Variants in CNOT2 observed in about 807,000 individuals in gnomAD.
The protein encoded by CNOT2 is CCR4-NOT transcription complex subunit 2.
A neutral mutation model predicts 72.1 loss-of-function variants in CNOT2; 7 were observed. That is an observed-to-expected ratio of 0.10 (90% CI 0.06 to 0.18). CNOT2 has a LOEUF of 0.18. Ranked by LOEUF, CNOT2 falls within the 10% of genes least tolerant of loss-of-function variation. The pLI, the probability that CNOT2 is intolerant of heterozygous loss-of-function variation, is 1.00. For synonymous variants in CNOT2, 196 were observed against 225.6 expected (o/e 0.87, Z 1.17); for missense variants, 345 against 660.3 (o/e 0.52, Z 5.23).
At chr12:70,273,742 A>C (rs1488967307) in intron 1 of CNOT2, among the ~76,000 whole-genome samples, 1 of 152,094 alleles carries the variant, frequency 6.6e-6, no homozygotes, top group Non-Finnish European at 1.5e-5. Flanking sequence ...AGTAGAAGAA[A>C]ATTTCTGTCT....
intron 3 of CNOT2, chr12:70,319,045 C>G (rs1042945144): frequency 1.4e-5 from 4 of 293,622 alleles, no homozygotes; most frequent in Admixed American, 9.3e-5. Flanking sequence ...GCTGCTGTAA[C>G]TCAAGTTAGT....
chr12:70,337,501 T>C lies in CNOT2; in HGVS notation c.888T>C (p.Asp296=), dbSNP rs1400357261. 1.2e-6 allele frequency: 2 copies of C among 1,611,578 alleles called. No homozygotes were observed. The highest frequency in any genetic ancestry group is 3.3e-5 in the Admixed American group (2 of 59,874). Residue 296 remains aspartate, a synonymous_variant, in exon 9 of 16, where the codon GAT becomes GAC. Coordinates refer to ENST00000229195, the MANE Select transcript of CNOT2 (RefSeq NM_014515.7). The part of the protein sequence containing the change: ...SSYKDPTSSN[D]DSKSNLNTSG... ...ATAAAGATCCAACATCAAGTAATGATGACAGTAAATCTGTAAGTAACTGAG... is the reference window on the plus strand; with the variant it reads ...ATAAAGATCCAACATCAAGTAATGACGACAGTAAATCTGTAAGTAACTGAG...
At position 70,349,930 on chromosome 12, in the gene CNOT2, C is replaced by A. The variant is rs147716758; in HGVS notation, c.1536+3606C>A. ...GGCTGAGGTAGGAGGATTGCTTGAG[C>A]CCAGGAGTTCAAGGTTGCAGTGAGC... On this transcript the variant is annotated intron_variant, in intron 15 of 15. Coordinates refer to ENST00000229195, the MANE Select transcript of CNOT2 (RefSeq NM_014515.7). Among the ~76,000 whole-genome samples, 3 of 152,100 alleles carry A rather than the reference C, an allele frequency of 2.0e-5. No individual in the cohort carries two copies. In the East Asian group the frequency reaches 5.8e-4, roughly 29 times the overall value.
chr12:70,243,936 C>G (rs1029492648), intron 1 of CNOT2: 2 of 152,276 alleles, frequency 1.3e-5, no homozygotes, highest in African/African-American at 4.8e-5. Context: ...CCGACGAGCT[C>G]GAGCCCGCTT....
intron 13 of CNOT2, 81 bp downstream of exon 13, chr12:70,342,388 T>A: frequency 6.7e-7 from 1 of 1,490,378 alleles, no homozygotes; most frequent in African/African-American, 1.4e-5. Context: ...CAGCATACTA[T>A]TTTTGAAATA....
intron 14 of CNOT2, chr12:70,345,574 T>G (rs1010527470): frequency 3.2e-4 from 48 of 152,220 alleles, no homozygotes; most frequent in African/African-American, 7.5e-4. Context: ...TTCCTCAGTT[T>G]ACAAGTAGTG....
At chr12:70,346,465 C>T in intron 15 of CNOT2, 141 bp downstream of exon 15, 2 of 615,842 alleles carry the variant, frequency 3.2e-6, no homozygotes, top group South Asian at 4.8e-5. Flanking sequence ...ATCTCCTTGG[C>T]TTGACACTCT....
At chr12:70,299,920 C>G (rs1345538400) in intron 2 of CNOT2, among the ~76,000 whole-genome samples, 1 of 152,194 alleles carries the variant, frequency 6.6e-6, no homozygotes, top group Non-Finnish European at 1.5e-5. Flanking sequence ...GCCATTCTAA[C>G]TGTTGTGAGA....
At chr12:70,346,481 G>A (rs1455900712) in intron 15 of CNOT2, 157 bp downstream of exon 15, 2 of 534,808 alleles carry the variant, frequency 3.7e-6, no homozygotes, top group East Asian at 6.1e-5. Context: ...ACTCTTAGAA[G>A]AGTGTCCCAA....
intron 1 of CNOT2, among the ~76,000 whole-genome samples, chr12:70,245,529 C>G (rs1186452969): frequency 2.0e-5 from 3 of 152,044 alleles, no homozygotes; most frequent in Non-Finnish European, 2.9e-5. Context: ...ATATCTGTAA[C>G]CTAATCTGAT....
At position 70,306,529 on chromosome 12, in the gene CNOT2, G is replaced by A. The variant is rs367625698; in HGVS notation, c.49-4366G>A. On this transcript the variant is annotated intron_variant, in intron 2 of 15. Transcript: ENST00000229195. ...GAAAGATTAAATGTCTTGATTAAAC[G>A]TTTTAGATCTGTGTTCAAAAAAGGT... 8.5e-5 allele frequency among the ~76,000 whole-genome samples: 13 copies of A among 152,158 alleles called. No homozygotes were observed. In the South Asian group the frequency reaches 1.2e-3, roughly 15 times the overall value.
rs1333175605 is a variant in CNOT2 at position 70,308,580 on chromosome 12, T to TCACA, written c.49-2314_49-2313insACAC. On this transcript the variant is annotated intron_variant, in intron 2 of 15. Transcript: ENST00000229195. Reference sequence around the variant, plus strand: ...TTCTCTCTCTCTCTCTCTCTCTCTCTCTCTCACACACACACACACACACAC... The same window carrying TCACA: ...TTCTCTCTCTCTCTCTCTCTCTCTCTCACACTCTCACACACACACACACACACAC... Among the ~76,000 whole-genome samples, 37 of 142,052 alleles carry TCACA rather than the reference T, an allele frequency of 2.6e-4. 1 individual carries two copies. The highest frequency in any genetic ancestry group is 9.1e-4 in the African/African-American group (33 of 36,244). 93.2% of individuals were successfully genotyped at this position (142,052 alleles called of 152,430 possible). A position where few individuals can be genotyped will look rare whatever the true frequency, so the allele number is the denominator to read the frequency against.
At chr12:70,332,650 T>A (rs1880128685) in intron 6 of CNOT2, 117 bp from the exon 7 acceptor site, 3 of 1,287,144 alleles carry the variant, frequency 2.3e-6, no homozygotes, top group Non-Finnish European at 3.0e-6. Flanking sequence ...AATATTAGTG[T>A]TGGTTTTGAA....
intron 1 of CNOT2, among the ~76,000 whole-genome samples, chr12:70,244,589 C>T (rs1025584619): frequency 6.6e-6 from 1 of 152,178 alleles, no homozygotes; most frequent in African/African-American, 2.4e-5. Flanking sequence ...GGAACCTAAA[C>T]ATCAACTTCC....
At chr12:70,305,033 G>A (rs1443971013) in intron 2 of CNOT2, among the ~76,000 whole-genome samples, 1 of 152,204 alleles carries the variant, frequency 6.6e-6, no homozygotes, top group Admixed American at 6.5e-5. Flanking sequence ...TGCAGTATTA[G>A]GGTGGGAGTG....
At chr12:70,349,076 G>A (rs1593296043) in intron 15 of CNOT2, among the ~76,000 whole-genome samples, 2 of 151,782 alleles carry the variant, frequency 1.3e-5, no homozygotes, top group Non-Finnish European at 2.9e-5. Context: ...CAGAATTGTT[G>A]GTATTAAGAT....
chr12:70,345,341 C>T (rs953410071), intron 14 of CNOT2: 3 of 151,934 alleles, frequency 2.0e-5, no homozygotes, highest in African/African-American at 7.2e-5. Context: ...GGATTTTTCC[C>T]TTATGTTTTT....
rs541871486 is a variant in CNOT2, at chr12:70,284,044, C to T, written c.48+5770C>T. ...ACAACCTCTGTCTCCTGGGTTGAAG[C>T]GATTCTCCTGCCTCAGCCTCCTGAG... is the stretch of plus-strand genomic sequence containing the variant. On this transcript the variant is annotated intron_variant, in intron 2 of 15. Coordinates refer to ENST00000229195, the MANE Select transcript of CNOT2 (RefSeq NM_014515.7). Among the ~76,000 whole-genome samples, 160 of 145,804 alleles carry T rather than the reference C, an allele frequency of 1.1e-3. 1 individual carries two copies. The highest frequency in any genetic ancestry group is 3.7e-3 in the African/African-American group (145 of 39,138).
intron 2 of CNOT2, among the ~76,000 whole-genome samples, chr12:70,298,918 T>C (rs1221667097): frequency 6.6e-6 from 1 of 152,102 alleles, no homozygotes; most frequent in Non-Finnish European, 1.5e-5. Context: ...AAAAATCACT[T>C]TGATGTGGGA....
Sources: gnomAD v4.1 joint callset for allele counts (sites outside exome capture counted in the v4.1 genomes callset) on GRCh38, gnomAD v4.1.1 for gene constraint, MANE v1.5 for transcripts, NCBI Gene and HGNC (gene_info 2026-07-23, HGNC 2026-07-21) for gene names.